Variants in SLCO6A1 observed in about 807,000 individuals in gnomAD.
SLCO6A1 encodes cancer/testis antigen 48.
Under a neutral mutation model 72.7 loss-of-function variants are expected in SLCO6A1, and 65 were observed. The ratio of observed to expected loss-of-function variants is 0.89; its 90% CI spans 0.73 to 1.10. The LOEUF is 1.10. Among genes scored for constraint, SLCO6A1 ranks in the 50% least tolerant of loss-of-function variants. SLCO6A1 has a pLI of 0.00. For synonymous variants in SLCO6A1, 314 were observed against 298.2 expected, an observed-to-expected ratio of 1.05 and a Z score of -0.55; for missense variants, 874 against 872.6, an observed-to-expected ratio of 1.00 and a Z score of -0.02.
At chr5:102,411,698 C>T (rs1405830444) in intron 9 of SLCO6A1, among the ~76,000 whole-genome samples, 1 of 151,908 alleles carries the variant, frequency 6.6e-6, no homozygotes, top group African/African-American at 2.4e-5. Context: ...ATTTAACCCT[C>T]TTTATCATGA....
intron 2 of SLCO6A1, among the ~76,000 whole-genome samples, chr5:102,479,018 G>A (rs1232167737): frequency 6.6e-6 from 1 of 152,042 alleles, no homozygotes; most frequent in Non-Finnish European, 1.5e-5. Context: ...TTCCTGTTAT[G>A]CACTGTACTC....
chr5:102,390,936 T>C, intron 11 of SLCO6A1, 45 bp downstream of exon 11: 1 of 1,525,494 alleles, frequency 6.6e-7, no homozygotes, highest in Non-Finnish European at 9.1e-7. Flanking sequence ...TATATACATA[T>C]CAAAAAACAT....
At chr5:102,413,182 T>A in intron 8 of SLCO6A1, 39 bp from the exon 9 acceptor site, 3 of 1,501,384 alleles carry the variant, frequency 2.0e-6, no homozygotes, top group African/African-American at 1.5e-5. Flanking sequence ...ATTACCATTG[T>A]TTTATAATTA....
At chr5:102,422,657 C>A (rs1389829693) in intron 7 of SLCO6A1, among the ~76,000 whole-genome samples, 1 of 152,082 alleles carries the variant, frequency 6.6e-6, no homozygotes. Flanking sequence ...GATTGGTGTA[C>A]CTGAAAGTGA....
intron 12 of SLCO6A1, among the ~76,000 whole-genome samples, chr5:102,374,723 T>G (rs1274194959): frequency 6.6e-6 from 1 of 152,156 alleles, no homozygotes; most frequent in Non-Finnish European, 1.5e-5. Context: ...AGTTGTAACA[T>G]TAAACAATTG....
At chr5:102,412,266 C>A (rs1359511231) in intron 9 of SLCO6A1, among the ~76,000 whole-genome samples, 1 of 151,858 alleles carries the variant, frequency 6.6e-6, no homozygotes, top group Admixed American at 6.6e-5. Context: ...ATGTATAATA[C>A]AAAGCTTCAC....
chr5:102,456,445 A>C (rs1318052114), intron 6 of SLCO6A1, among the ~76,000 whole-genome samples: 2 of 152,192 alleles, frequency 1.3e-5, no homozygotes, highest in East Asian at 3.9e-4. Context: ...AATCACAAGC[A>C]TTCTTATACA....
chr5:102,424,560 G>A (rs1277043564), intron 7 of SLCO6A1, among the ~76,000 whole-genome samples: 1 of 152,080 alleles, frequency 6.6e-6, no homozygotes, highest in Non-Finnish European at 1.5e-5. Flanking sequence ...ACCCTCCCAA[G>A]ACTAAACCAG....
chr5:102,497,934 C>G (rs915693317), intron 1 of SLCO6A1, among the ~76,000 whole-genome samples: 5 of 152,094 alleles, frequency 3.3e-5, no homozygotes, highest in African/African-American at 1.2e-4. Flanking sequence ...ATTGTAAAAC[C>G]GAAGCTCGGT....
intron 10 of SLCO6A1, among the ~76,000 whole-genome samples, chr5:102,392,041 C>G (rs1396869389): frequency 2.6e-5 from 4 of 151,668 alleles, no homozygotes; most frequent in Admixed American, 2.6e-4. Flanking sequence ...TAAATAAACT[C>G]AATACTTACT....
At chr5:102,494,358 C>G (rs1752817286) in intron 1 of SLCO6A1, among the ~76,000 whole-genome samples, 1 of 152,090 alleles carries the variant, frequency 6.6e-6, no homozygotes, top group South Asian at 2.1e-4. Flanking sequence ...ACCTTCATGA[C>G]ACTGAGTTAG....
chr5:102,375,485 G>A (rs908360825), intron 12 of SLCO6A1, among the ~76,000 whole-genome samples: 10 of 152,020 alleles, frequency 6.6e-5, no homozygotes, highest in Non-Finnish European at 1.2e-4. Context: ...TACACAAAAG[G>A]TCTGGAATGC....
chr5:102,402,690 A>G (rs140473444), intron 9 of SLCO6A1, among the ~76,000 whole-genome samples: 113 of 152,266 alleles, frequency 7.4e-4, no homozygotes, highest in African/African-American at 2.6e-3. Context: ...CATGACAATA[A>G]CAAACCTGCT....
At chr5:102,402,068 A>G (rs750843612) in intron 9 of SLCO6A1, among the ~76,000 whole-genome samples, 21 of 152,110 alleles carry the variant, frequency 1.4e-4, no homozygotes, top group Non-Finnish European at 2.8e-4. Flanking sequence ...TAAGGAGTCC[A>G]TGTATTAGAG....
At chr5:102,420,598 G>GAGGAGC (rs1481211092) in intron 7 of SLCO6A1, among the ~76,000 whole-genome samples, 1 of 152,018 alleles carries the variant, frequency 6.6e-6, no homozygotes, top group African/African-American at 2.4e-5. Flanking sequence ...GGAGGAGGAG[G>GAGGAGC]AGGAGCAGGA....
intron 10 of SLCO6A1, among the ~76,000 whole-genome samples, chr5:102,392,728 TAATAG>T (rs1041671284): frequency 7.2e-5 from 11 of 151,982 alleles, no homozygotes; most frequent in African/African-American, 2.7e-4. Flanking sequence ...ATCTAATCTA[TAATAG>T]AATAGTTAAG....
At chr5:102,421,280 C>T (rs945697005) in intron 7 of SLCO6A1, among the ~76,000 whole-genome samples, 1 of 151,986 alleles carries the variant, frequency 6.6e-6, no homozygotes, top group Non-Finnish European at 1.5e-5. Flanking sequence ...GAACTGTTCA[C>T]TCCCCTGGAA....
At chr5:102,380,992 T>C (rs1486825357) in intron 12 of SLCO6A1, among the ~76,000 whole-genome samples, 2 of 151,920 alleles carry the variant, frequency 1.3e-5, no homozygotes, top group Non-Finnish European at 2.9e-5. Flanking sequence ...ATATTTATAG[T>C]ATAAAGCATT....
At position 102,474,832 on chromosome 5, in the gene SLCO6A1, G is replaced by A. The variant is rs1167990527; in HGVS notation, c.899+865C>T. 2.6e-5 allele frequency among the ~76,000 whole-genome samples: 4 copies of A among 151,868 alleles called. No homozygotes were observed. In the East Asian group the frequency reaches 7.7e-4, roughly 29 times the overall value. On this transcript the variant is annotated intron_variant, in intron 4 of 13. Coordinates refer to ENST00000506729, the MANE Select transcript of SLCO6A1 (RefSeq NM_173488.5). ...GATACTCAACACTACTAATAATCAG[G>A]GAAATGCAAATAAAAACCACAATAA...
Sources: allele counts gnomAD v4.1 joint callset (sites outside exome capture counted in the v4.1 genomes callset), GRCh38; gene constraint gnomAD v4.1.1; transcripts MANE v1.5; gene names NCBI Gene and HGNC (gene_info 2026-07-23, HGNC 2026-07-21).